Variants in SLC26A3 observed in about 807,000 individuals in gnomAD.
The protein encoded by SLC26A3 is chloride anion exchanger.
In SLC26A3, 64 loss-of-function variants were observed where a neutral mutation model predicts 85.6. That is an observed-to-expected ratio of 0.75 (90% confidence interval 0.61 to 0.92). The LOEUF (loss-of-function observed/expected upper bound fraction) is 0.92, where lower values mean the gene tolerates loss of function less well. Among genes scored for constraint, SLC26A3 ranks in the 40% least tolerant of loss-of-function variants. The probability of loss-of-function intolerance (pLI) is 0.00; values close to 1 mark genes in which losing one functional copy is unlikely to be tolerated. For synonymous variants in SLC26A3, 349 were observed against 336.0 expected (o/e 1.04, Z -0.42); for missense variants, 922 against 927.3 (o/e 0.99, Z 0.07).
Position 107,782,831 on chromosome 7 carries a change from A to G in SLC26A3, c.1277T>C (p.Leu426Pro). 2.5e-6 allele frequency: 4 copies of G among 1,614,166 alleles called. No homozygotes were observed. Among genetic ancestry groups the G allele is most frequent in the Non-Finnish European group, 2.5e-6 (3 of 1,179,990 alleles). Residue 426 changes from leucine (L) to proline (P), a missense_variant, in exon 11 of 21, where the codon CTA (leucine) becomes CCA (proline). By Grantham distance (98) the Leu-to-Pro change is moderately conservative. Transcript: ENST00000340010. ...IGAIIVLIVV[L>P]AIGFLLAPLQ... ...AGGCGCCAGGAGAAATCCAATGGCT[A>G]GAACGACAATCAGCACGATGATGGC...
At position 107,791,155 on chromosome 7, in the gene SLC26A3, T is replaced by A. The variant is rs1351378632; in HGVS notation, c.463A>T (p.Thr155Ser). ...VSKAVPDRNA[T>S]TLGLPNNSNN... ...GAGTTGTTAGGCAATCCCAAAGTAG[T>A]TGCATTGCGATCTGGGACTGCTTTT... The change falls in exon 5 of 21, where the codon ACT (threonine) becomes TCT (serine). Residue 155 changes from threonine (T) to serine (S), a missense_variant. Coordinates refer to ENST00000340010, the MANE Select transcript of SLC26A3 (RefSeq NM_000111.3). 1.2e-6 allele frequency: 2 copies of A among 1,614,224 alleles called. No homozygotes were observed. The highest frequency in any genetic ancestry group is 1.7e-6 in the Non-Finnish European group (2 of 1,180,042).
In SLC26A3 at chr7:107,786,810, A is replaced by G. The variant is rs1794303311; in HGVS notation, c.971+17T>C. The G allele has an allele frequency of 6.2e-7, 1 of 1,605,100 alleles. No homozygotes were observed. Among genetic ancestry groups the G allele is most frequent in the Non-Finnish European group, 8.5e-7 (1 of 1,171,880 alleles). Reference sequence around the variant, plus strand: ...CTGCTTAGTGCATGGTGATGCCATCATCGAAGACACACTTACCCAGGATTC... The same window carrying G: ...CTGCTTAGTGCATGGTGATGCCATCGTCGAAGACACACTTACCCAGGATTC... On this transcript the variant is annotated intron_variant, in intron 8 of 20. Transcript: ENST00000340010.
Position 107,794,584 on chromosome 7 carries a change from C to G in SLC26A3, c.-75G>C. The G allele has an allele frequency of 6.4e-7, 1 of 1,569,002 alleles. No individual in the cohort carries two copies. Among genetic ancestry groups the G allele is most frequent in the South Asian group, 1.1e-5 (1 of 89,942 alleles). ...GGTGAACACTTCTTCTTGCCTTTAG[C>G]AGGTTAAAAATGCCTGAAACCAAAC... On this transcript the variant is annotated 5_prime_UTR_variant, in exon 2 of 21. Transcript: ENST00000340010.
At chr7:107,793,263 C>G (rs1794433817) in intron 3 of SLC26A3, among the ~76,000 whole-genome samples, 1 of 152,162 alleles carries the variant, frequency 6.6e-6, no homozygotes. Flanking sequence ...TTGAAGCATG[C>G]TCACACAAAT....
At chr7:107,793,446 A>G (rs1794437676) in intron 3 of SLC26A3, among the ~76,000 whole-genome samples, 2 of 152,262 alleles carry the variant, frequency 1.3e-5, no homozygotes, top group Non-Finnish European at 2.9e-5. Flanking sequence ...ATGCTACAAT[A>G]TGGATCAACC....
intron 15 of SLC26A3, 102 bp from the exon 16 acceptor site, chr7:107,774,974 GATA>G (rs1794087034): frequency 6.7e-6 from 6 of 901,742 alleles, no homozygotes; most frequent in Non-Finnish European, 7.3e-6. Context: ...GATTGGGACA[GATA>G]ATAAAAATAT....
intron 11 of SLC26A3, among the ~76,000 whole-genome samples, chr7:107,780,017 A>G (rs1794190855): frequency 6.6e-6 from 1 of 152,010 alleles, no homozygotes; most frequent in South Asian, 2.1e-4. Context: ...AGATGATCTG[A>G]TGGCGTTTAG....
chr7:107,801,963 G>A (rs922826622), intron 1 of SLC26A3, among the ~76,000 whole-genome samples: 11 of 150,932 alleles, frequency 7.3e-5, no homozygotes, highest in Non-Finnish European at 1.0e-4. Flanking sequence ...ACAGTGGAGC[G>A]TGCCTGTAGT....
chr7:107,776,814 T>TA, intron 13 of SLC26A3, 108 bp from the exon 14 acceptor site: 1 of 1,002,476 alleles, frequency 1.0e-6, no homozygotes. Context: ...TTTCAAAATG[T>TA]AAAAGGTTGG....
chr7:107,793,754 C>T lies in SLC26A3; in HGVS notation c.259G>A (p.Ala87Thr). ...AAAAAAATTTTACCTTGTAGTACGGCCACAATCCCTGTGCTGATACCAGAA... is the reference window on the plus strand; with the variant it reads ...AAAAAAATTTTACCTTGTAGTACGGTCACAATCCCTGTGCTGATACCAGAA... The part of the protein sequence containing the change: ...IVSGISTGIV[A>T]VLQGLAFALL... The change falls in exon 3 of 21, where the codon GCC (alanine) becomes ACC (threonine). Residue 87 changes from alanine to threonine, a missense_variant. Physicochemically the swap from Ala to Thr is moderately conservative, Grantham distance 58. Transcript: ENST00000340010. 1 of 1,613,902 alleles carries T rather than the reference C, an allele frequency of 6.2e-7. No individual in the cohort carries two copies. Among genetic ancestry groups the T allele is most frequent in the Non-Finnish European group, 8.5e-7 (1 of 1,179,884 alleles).
chr7:107,797,796 G>A (rs1435687534), intron 1 of SLC26A3, among the ~76,000 whole-genome samples: 2 of 146,864 alleles, frequency 1.4e-5, no homozygotes, highest in African/African-American at 2.6e-5. Flanking sequence ...GTAGTGGCGA[G>A]ATCTCGGCTC....
chr7:107,772,059 G>T lies in SLC26A3; in HGVS notation c.2057C>A (p.Thr686Asn). ...ACAAAAATAAAGCCACTTACCATCA[G>T]TTCCAACGATATACACATCTACCTT... ...RIKVDVYIVG[T>N]DDDFIEKLNR... Residue 686 changes from threonine to asparagine, a missense_variant, in exon 18 of 21, where the codon ACT becomes AAT. Physicochemically the swap from Thr to Asn is moderately conservative, Grantham distance 65 (BLOSUM62 0). Transcript: ENST00000340010. 1 of 1,611,596 alleles carries T rather than the reference G, an allele frequency of 6.2e-7. No homozygotes were observed. Among genetic ancestry groups the T allele is most frequent in the Non-Finnish European group, 8.5e-7 (1 of 1,177,790 alleles).
chr7:107,767,703 G>A, intron 19 of SLC26A3, 59 bp from the exon 20 acceptor site: 3 of 1,608,232 alleles, frequency 1.9e-6, no homozygotes, highest in Non-Finnish European at 2.6e-6. Flanking sequence ...TGTTGAAAAA[G>A]AGAAATTTAA....
At position 107,765,547 on chromosome 7, in the gene SLC26A3, T is replaced by C. The variant is rs2115775064; in HGVS notation, c.*308A>G. 3.3e-6 allele frequency: 1 copy of C among 304,036 alleles called. No homozygotes were observed. Among genetic ancestry groups the C allele is most frequent in the South Asian group, 5.6e-5 (1 of 17,918 alleles). The allele number at this position is 304,036 out of a possible 1,614,324, so 18.8% of individuals were successfully genotyped here. A position where few individuals can be genotyped will look rare whatever the true frequency, so the allele number is the denominator to read the frequency against. On this transcript the variant is annotated 3_prime_UTR_variant, in exon 21 of 21. Coordinates refer to ENST00000340010, the MANE Select transcript of SLC26A3 (RefSeq NM_000111.3). ...ATGAGATTCAAAACAGTGGCGCCACTATACTGCTAAACCTATGCATGAAGG... is the reference window on the plus strand; with the variant it reads ...ATGAGATTCAAAACAGTGGCGCCACCATACTGCTAAACCTATGCATGAAGG...
chr7:107,798,542 C>T (rs1794548849), intron 1 of SLC26A3, among the ~76,000 whole-genome samples: 1 of 152,106 alleles, frequency 6.6e-6, no homozygotes, highest in Admixed American at 6.6e-5. Flanking sequence ...TGCTGGGAAA[C>T]AACTAATTTG....
intron 3 of SLC26A3, among the ~76,000 whole-genome samples, chr7:107,792,724 T>C (rs1021671576): frequency 1.3e-5 from 2 of 152,104 alleles, no homozygotes; most frequent in African/African-American, 4.8e-5. Context: ...AAGCACCCAA[T>C]GAAAAATACA....
At chr7:107,791,307 A>C (rs1455499150) in intron 4 of SLC26A3, 72 bp from the exon 5 acceptor site, 2 of 1,483,352 alleles carry the variant, frequency 1.3e-6, no homozygotes, top group Non-Finnish European at 1.9e-6. Context: ...CCACAGAATA[A>C]GACCATATAA....
intron 15 of SLC26A3, chr7:107,776,154 A>G: frequency 2.3e-6 from 1 of 426,642 alleles, no homozygotes; most frequent in Non-Finnish European, 4.3e-6. Context: ...CTGTAGGATG[A>G]CATCTACTAA....
In SLC26A3 at chr7:107,787,025, C is replaced by T. The variant is rs1198184288; in HGVS notation, c.889-116G>A. 8 of 893,404 alleles carry T rather than the reference C, an allele frequency of 9.0e-6. No homozygotes were observed. In the Admixed American group the frequency reaches 1.5e-4, roughly 17 times the overall value. 55.3% of individuals were successfully genotyped at this position (893,404 alleles called of 1,614,324 possible). On this transcript the variant is annotated intron_variant, in intron 7 of 20. Transcript: ENST00000340010. The stretch of plus-strand genomic sequence containing the variant: ...GTACCTGTTAAGTAAGAACTCCAGC[C>T]CAGGCTTTGTTACTTTTTAAGAAAT...
Sources: allele counts gnomAD v4.1 joint callset (sites outside exome capture counted in the v4.1 genomes callset), GRCh38; gene constraint gnomAD v4.1.1; transcripts MANE v1.5; gene names NCBI Gene and HGNC (gene_info 2026-07-23, HGNC 2026-07-21).